Variants in RRM2 observed in about 807,000 individuals in gnomAD.
RRM2 encodes the protein ribonucleotide reductase regulatory subunit M2.
A neutral mutation model predicts 45.9 loss-of-function variants in RRM2; 6 were observed. The ratio of observed to expected loss-of-function variants is 0.13; its 90% CI spans 0.07 to 0.26. The LOEUF (loss-of-function observed/expected upper bound fraction) is 0.26. RRM2 is among the 10% of genes least tolerant of loss of function. The probability of loss-of-function intolerance (pLI) is 1.00; values close to 1 mark genes in which losing one functional copy is unlikely to be tolerated. For missense variants in RRM2, 343 were observed against 489.5 expected, an observed-to-expected ratio of 0.70 and a Z score of 2.82; for synonymous variants, 177 against 173.0, an observed-to-expected ratio of 1.02 and a Z score of -0.18.
chr2:10,173,152 G>A (rs1663837674), intron 3 of RRM2, among the ~76,000 whole-genome samples: 1 of 152,172 alleles, frequency 6.6e-6, no homozygotes, highest in African/African-American at 2.4e-5. Flanking sequence ...AAAATGGGGA[G>A]ATAAATAGCC....
At chr2:10,191,451 G>T (rs575981322) in intron 3 of RRM2, among the ~76,000 whole-genome samples, 1 of 152,120 alleles carries the variant, frequency 6.6e-6, no homozygotes, top group East Asian at 1.9e-4. Context: ...CTTGGGAGGC[G>T]CAGGTGGCAG....
chr2:10,178,448 C>G (rs1223967081), intron 3 of RRM2, among the ~76,000 whole-genome samples: 1 of 150,802 alleles, frequency 6.6e-6, no homozygotes, highest in Non-Finnish European at 1.5e-5. Context: ...GTCTCGAACT[C>G]CTGACCTCAG....
At chr2:10,160,134 C>T (rs1007306461) in intron 3 of RRM2, among the ~76,000 whole-genome samples, 1 of 152,190 alleles carries the variant, frequency 6.6e-6, no homozygotes, top group Non-Finnish European at 1.5e-5. Context: ...TCATGCTGGG[C>T]TCAGCCTAGA....
intron 3 of RRM2, among the ~76,000 whole-genome samples, chr2:10,164,437 T>G (rs1240032767): frequency 6.6e-6 from 1 of 152,170 alleles, no homozygotes; most frequent in East Asian, 1.9e-4. Flanking sequence ...TTATCATCAT[T>G]GTTATTTTTG....
chr2:10,151,549 T>C (rs2110643), intron 3 of RRM2, among the ~76,000 whole-genome samples: 113,396 of 152,022 alleles, frequency 0.75, 43,504 homozygotes, highest in African/African-American at 0.9. Flanking sequence ...CTGCTTGCCT[T>C]GGCCTCCGAA....
chr2:10,155,168 A>G, intron 3 of RRM2: 1 of 338,312 alleles, frequency 3.0e-6, no homozygotes. Context: ...GTTTGAAACC[A>G]ACAGCTACAG....
At chr2:10,199,808 A>AAAAAC (rs1300822544) in intron 3 of RRM2, among the ~76,000 whole-genome samples, 1 of 150,742 alleles carries the variant, frequency 6.6e-6, no homozygotes, top group African/African-American at 2.5e-5. Context: ...AAAAAAAAAA[A>AAAAAC]ACAAATCATG....
chr2:10,196,308 T>C (rs1248983317), intron 3 of RRM2, among the ~76,000 whole-genome samples: 1 of 152,158 alleles, frequency 6.6e-6, no homozygotes, highest in Non-Finnish European at 1.5e-5. Context: ...AGCAGCAATC[T>C]GAGGTCTCCC....
chr2:10,135,316 A>C (rs1312182174), downstream of RRM2, among the ~76,000 whole-genome samples: 1 of 152,178 alleles, frequency 6.6e-6, no homozygotes, highest in Non-Finnish European at 1.5e-5. Context: ...GTGAGACCGA[A>C]CTCAAACAAC....
rs745830095 is a variant in RRM2 at position 10,142,881 on chromosome 2, T to G, written n.482+506T>G. On this transcript the variant is annotated intron_variant and non_coding_transcript_variant, in intron 3 of 3. Coordinates refer to the RRM2 transcript ENST00000381786. ...TCTGAGCTTCTTTTTTGTTTTGTTT[T>G]GTTTGGTTTTGAGACAGAGTCTTGC... Among the ~76,000 whole-genome samples the G allele has an allele frequency of 1.2e-4, 19 of 152,176 alleles. 1 individual carries two copies. The highest frequency in any genetic ancestry group is 6.5e-5 in the Admixed American group (1 of 15,282).
At position 10,129,501 on chromosome 2, in the gene RRM2, A is replaced by G; in HGVS notation, c.*115A>G. The G allele has an allele frequency of 9.2e-7, 1 of 1,089,044 alleles. No homozygotes were observed. The highest frequency in any genetic ancestry group is 1.3e-6 in the Non-Finnish European group (1 of 749,954). The allele number at this position is 1,089,044 out of a possible 1,614,324, so 67.5% of individuals were successfully genotyped here. A position where few individuals can be genotyped will look rare whatever the true frequency, so the allele number is the denominator to read the frequency against. On this transcript the variant is annotated 3_prime_UTR_variant, in exon 10 of 10. Coordinates refer to ENST00000304567, the MANE Select transcript of RRM2 (RefSeq NM_001034.4). This position sits in a 1 kb window ranked among gnomAD's most constrained non-coding sequence, Gnocchi z 4.8. The stretch of plus-strand genomic sequence containing the variant: ...TGAATTGTCCGTAATGTTCATTAAC[A>G]GCATCTTTAAAACTGTGTAGCTACC...
intron 3 of RRM2, among the ~76,000 whole-genome samples, chr2:10,144,906 G>A (rs908222530): frequency 6.6e-6 from 1 of 152,204 alleles, no homozygotes; most frequent in African/African-American, 2.4e-5. Context: ...TGACCCCACT[G>A]GCTGGTGGGG....
In RRM2 at chr2:10,157,016, C is replaced by CTTTTTTT. The variant is rs71391198; in HGVS notation, n.482+14658_482+14664dup. 7.4e-3 allele frequency among the ~76,000 whole-genome samples: 639 copies of CTTTTTTT among 85,858 alleles called. 39 individuals carry two copies. In the Middle Eastern group the frequency reaches 0.081, roughly 11 times the overall value. 56.3% of individuals were successfully genotyped at this position (85,858 alleles called of 152,430 possible). A position where few individuals can be genotyped will look rare whatever the true frequency, so the allele number is the denominator to read the frequency against. ...GGGAGTTTCTGAGCTCAGCCCATTTCTTTTTTTTTTTTTTTTTTTTTTTGA... is the reference window on the plus strand; with the variant it reads ...GGGAGTTTCTGAGCTCAGCCCATTTCTTTTTTTTTTTTTTTTTTTTTTTTTTTTTTGA... On this transcript the variant is annotated intron_variant and non_coding_transcript_variant, in intron 3 of 3. Transcript: ENST00000381786.
At chr2:10,146,705 C>T (rs1663194124) in intron 3 of RRM2, among the ~76,000 whole-genome samples, 1 of 152,128 alleles carries the variant, frequency 6.6e-6, no homozygotes, top group South Asian at 2.1e-4. Flanking sequence ...TGAGAGGGTG[C>T]CTGGTAAGCC....
intron 3 of RRM2, among the ~76,000 whole-genome samples, chr2:10,156,468 G>A (rs140743693): frequency 7.2e-5 from 11 of 152,298 alleles, no homozygotes; most frequent in Non-Finnish European, 1.5e-4. Context: ...GGTCCTCTCT[G>A]GGGGTCCAGC....
chr2:10,129,639 G>A lies in RRM2; in HGVS notation c.*253G>A. On this transcript the variant is annotated 3_prime_UTR_variant, in exon 10 of 10. Coordinates refer to ENST00000304567, the MANE Select transcript of RRM2 (RefSeq NM_001034.4). This position sits in a 1 kb window ranked among gnomAD's most constrained non-coding sequence, Gnocchi z 4.8. ...AATGGCAGTCTTGGCTTTAAAGTGA[G>A]GGGTGACCCTTTAGTGAGCTTAGCA... 1 of 487,920 alleles carries A rather than the reference G, an allele frequency of 2.0e-6. No homozygotes were observed. The highest frequency in any genetic ancestry group is 3.6e-6 in the Non-Finnish European group (1 of 275,856). The allele number at this position is 487,920 out of a possible 1,614,324, so 30.2% of individuals were successfully genotyped here. A position where few individuals can be genotyped will look rare whatever the true frequency, so the allele number is the denominator to read the frequency against.
At chr2:10,126,708 A>G (rs1230609401) in intron 5 of RRM2, 167 bp from the exon 6 acceptor site, 6 of 638,154 alleles carry the variant, frequency 9.4e-6, no homozygotes, top group Non-Finnish European at 1.7e-5. Flanking sequence ...ACTGGAGGGA[A>G]AAACTGACCA....
intron 3 of RRM2, among the ~76,000 whole-genome samples, chr2:10,201,755 A>C (rs1267192213): frequency 6.6e-6 from 1 of 152,234 alleles, no homozygotes; most frequent in Non-Finnish European, 1.5e-5. Flanking sequence ...GATAATGTAC[A>C]CTAAAACATA....
chr2:10,126,692 AAG>A (rs1662785846), intron 5 of RRM2, 181 bp from the exon 6 acceptor site: 7 of 606,488 alleles, frequency 1.2e-5, no homozygotes, highest in Non-Finnish European at 1.8e-5. Flanking sequence ...AGGTTTTTAA[AAG>A]AACACTGGAG....
Sources: allele counts gnomAD v4.1 joint callset (sites outside exome capture counted in the v4.1 genomes callset), GRCh38; gene constraint gnomAD v4.1.1; non-coding constraint Gnocchi (gnomAD v3.1); transcripts MANE v1.5; gene names NCBI Gene and HGNC (gene_info 2026-07-23, HGNC 2026-07-21).